TSPAN9: variants seen among roughly 807,000 people sequenced by gnomAD.
TSPAN9 encodes the protein tetraspanin-9.
TSPAN9 carries 16 observed loss-of-function variants against 31.0 expected under a neutral mutation model. The observed-to-expected ratio is 0.52, with a 90% CI of 0.35 to 0.78. TSPAN9 has a LOEUF of 0.78. TSPAN9 is among the 30% of genes least tolerant of loss of function. TSPAN9 has a pLI of 0.01. For missense variants in TSPAN9, 272 were observed against 312.5 expected, an observed-to-expected ratio of 0.87 and a Z score of 0.98; for synonymous variants, 145 against 121.6, an observed-to-expected ratio of 1.19 and a Z score of -1.27.
At chr12:3,254,292 G>C (rs546491862) in intron 3 of TSPAN9, among the ~76,000 whole-genome samples, 6 of 152,326 alleles carry the variant, frequency 3.9e-5, no homozygotes, top group Non-Finnish European at 7.4e-5. Flanking sequence ...TCAATGCTCA[G>C]ACGCTCTCTT....
chr12:3,093,441 C>T (rs896130202), intron 2 of TSPAN9, among the ~76,000 whole-genome samples: 9 of 152,124 alleles, frequency 5.9e-5, no homozygotes, highest in Non-Finnish European at 8.8e-5. Context: ...GGTGAGTCTC[C>T]GAGTGTCCTC....
In TSPAN9 at chr12:3,097,487, C is replaced by T. The variant is rs748190139; in HGVS notation, c.-18+13768C>T. Among the ~76,000 whole-genome samples, 239 of 152,242 alleles carry T rather than the reference C, an allele frequency of 1.6e-3. 1 individual carries two copies. Among genetic ancestry groups the T allele is most frequent in the African/African-American group, 5.5e-3 (227 of 41,528 alleles). On this transcript the variant is annotated intron_variant, in intron 2 of 8. Coordinates refer to ENST00000011898, the MANE Select transcript of TSPAN9 (RefSeq NM_006675.5). ...CCAAGAATTTGCTCATTCTTTACCTCTGGGAGGAGGTGCTCACCCCGGAAC... is the reference window on the plus strand; with the variant it reads ...CCAAGAATTTGCTCATTCTTTACCTTTGGGAGGAGGTGCTCACCCCGGAAC...
intron 2 of TSPAN9, among the ~76,000 whole-genome samples, chr12:3,185,663 T>G (rs1237227163): frequency 6.6e-6 from 1 of 152,172 alleles, no homozygotes; most frequent in Non-Finnish European, 1.5e-5. Context: ...CCGCAGAGCT[T>G]AAAATAGCAG....
intron 2 of TSPAN9, 200 bp from the exon 3 acceptor site, chr12:3,200,977 C>A: frequency 1.8e-6 from 1 of 567,664 alleles, no homozygotes; most frequent in Non-Finnish European, 3.1e-6. Flanking sequence ...CTTTGGACAG[C>A]AAGGACTCGG....
intron 3 of TSPAN9, among the ~76,000 whole-genome samples, chr12:3,235,865 G>A (rs1273750190): frequency 2.6e-5 from 4 of 152,216 alleles, no homozygotes; most frequent in Non-Finnish European, 5.9e-5. Context: ...GGGGGCTTTG[G>A]CCTAGCTTGC....
At chr12:3,163,972 G>A (rs1034427406) in intron 2 of TSPAN9, among the ~76,000 whole-genome samples, 5 of 152,132 alleles carry the variant, frequency 3.3e-5, no homozygotes, top group Non-Finnish European at 7.4e-5. Flanking sequence ...CAGGGAGGAG[G>A]CCACTCCTTC....
In TSPAN9 at chr12:3,094,308, C is replaced by G. The variant is rs529017538; in HGVS notation, c.-18+10589C>G. 1.6e-3 allele frequency among the ~76,000 whole-genome samples: 237 copies of G among 152,214 alleles called. 1 individual carries two copies. Among genetic ancestry groups the G allele is most frequent in the African/African-American group, 5.4e-3 (225 of 41,528 alleles). On this transcript the variant is annotated intron_variant, in intron 2 of 8. Transcript: ENST00000011898. ...CTAGATTCCTGCTTTCTTTGCGCAC[C>G]TTCCCAACATTGCCTCTATTAGAGA...
intron 3 of TSPAN9, among the ~76,000 whole-genome samples, chr12:3,231,934 G>A (rs1199745195): frequency 2.0e-5 from 3 of 152,248 alleles, no homozygotes; most frequent in African/African-American, 4.8e-5. Context: ...CCAGGGCAGC[G>A]TCTCCCCTCT....
At chr12:3,257,907 G>T (rs1862379441) in intron 3 of TSPAN9, among the ~76,000 whole-genome samples, 1 of 152,176 alleles carries the variant, frequency 6.6e-6, no homozygotes, top group South Asian at 2.1e-4. Context: ...AGATGGTTCT[G>T]CAGGACAAGC....
intron 2 of TSPAN9, among the ~76,000 whole-genome samples, chr12:3,180,036 A>T (rs1403878831): frequency 2.0e-5 from 3 of 152,128 alleles, no homozygotes; most frequent in Non-Finnish European, 4.4e-5. Flanking sequence ...GCGAATTCTC[A>T]TGGGCGGTCT....
intron 2 of TSPAN9, among the ~76,000 whole-genome samples, chr12:3,181,696 C>T (rs372728865): frequency 3.3e-5 from 5 of 152,144 alleles, no homozygotes; most frequent in Admixed American, 6.5e-5. Flanking sequence ...TCACATTGTC[C>T]CTAGGAGATA....
intron 2 of TSPAN9, among the ~76,000 whole-genome samples, chr12:3,155,424 T>G (rs769893027): frequency 6.6e-6 from 1 of 152,142 alleles, no homozygotes; most frequent in African/African-American, 2.4e-5. Context: ...CTCTCCTGAA[T>G]AGCTGTTAGA....
At chr12:3,238,913 TG>T (rs1490706975) in intron 3 of TSPAN9, among the ~76,000 whole-genome samples, 7 of 152,124 alleles carry the variant, frequency 4.6e-5, no homozygotes, top group Admixed American at 4.6e-4. Flanking sequence ...CCTTGCTTCA[TG>T]TTCTCTCTGG....
intron 3 of TSPAN9, among the ~76,000 whole-genome samples, chr12:3,231,551 C>T (rs1273994839): frequency 6.6e-6 from 1 of 152,218 alleles, no homozygotes; most frequent in East Asian, 1.9e-4. Context: ...ATCCCATGCC[C>T]CATGCCAGCC....
intron 3 of TSPAN9, among the ~76,000 whole-genome samples, chr12:3,269,149 T>C (rs111690290): frequency 0.15 from 4,821 of 32,944 alleles, 652 homozygotes; most frequent in East Asian, 0.2. Flanking sequence ...TTCCTGCAGC[T>C]TGCCCTCTGT....
At position 3,140,190 on chromosome 12, in the gene TSPAN9, G is replaced by A. The variant is rs146211607; in HGVS notation, c.-18+56471G>A. Reference sequence around the variant, plus strand: ...GGAATTAAGTCCTGGAGTGGAAAGCGTGCATTTAGTAATGCTGTAGCGGTT... The same window carrying A: ...GGAATTAAGTCCTGGAGTGGAAAGCATGCATTTAGTAATGCTGTAGCGGTT... On this transcript the variant is annotated intron_variant, in intron 2 of 8. Transcript: ENST00000011898. Among the ~76,000 whole-genome samples the A allele has an allele frequency of 5.5e-3, 836 of 152,250 alleles. 7 individuals carry two copies. The highest frequency in any genetic ancestry group is 9.1e-3 in the Non-Finnish European group (619 of 68,014).
intron 2 of TSPAN9, among the ~76,000 whole-genome samples, chr12:3,175,603 A>C (rs1238572844): frequency 1.0e-4 from 11 of 110,056 alleles, no homozygotes; most frequent in Non-Finnish European, 1.9e-4. Context: ...TGCACTTCCC[A>C]GCTTGTCTGG....
At chr12:3,242,820 G>A (rs1211259280) in intron 3 of TSPAN9, among the ~76,000 whole-genome samples, 1 of 152,226 alleles carries the variant, frequency 6.6e-6, no homozygotes, top group Non-Finnish European at 1.5e-5. Context: ...TGTCTATTCT[G>A]GTTTCTTTCC....
At chr12:3,137,323 C>T (rs748025201) in intron 2 of TSPAN9, among the ~76,000 whole-genome samples, 2 of 152,200 alleles carry the variant, frequency 1.3e-5, no homozygotes, top group Non-Finnish European at 2.9e-5. Flanking sequence ...CTCCTGGCTG[C>T]CCCAGGCCTC....
Sources: allele counts gnomAD v4.1 joint callset (sites outside exome capture counted in the v4.1 genomes callset), GRCh38; gene constraint gnomAD v4.1.1; transcripts MANE v1.5; gene names NCBI Gene and HGNC (gene_info 2026-07-23, HGNC 2026-07-21).